Variants in TEX14 observed in about 807,000 individuals in gnomAD.
TEX14 encodes inactive serine/threonine-protein kinase TEX14.
In TEX14, 168 loss-of-function variants were observed where a neutral mutation model predicts 178.6. The ratio of observed to expected loss-of-function variants is 0.94; its 90% confidence interval spans 0.83 to 1.07. The LOEUF is 1.07. Among genes scored for constraint, TEX14 ranks in the 50% least tolerant of loss-of-function variants. The pLI is 0.00. For missense variants in TEX14, 1,730 were observed against 1,753.6 expected, an observed-to-expected ratio of 0.99 and a Z score of 0.24; for synonymous variants, 626 against 634.1, an observed-to-expected ratio of 0.99 and a Z score of 0.19.
intron 24 of TEX14, 131 bp from the exon 25 acceptor site, chr17:58,570,615 CCTTTTTTTTTTT>C (rs1336724315): frequency 6.1e-6 from 2 of 329,014 alleles, no homozygotes; most frequent in African/African-American, 5.0e-5. Context: ...TGGGAAGCCT[CCTTTTTTTTTTT>C]TTTTTTTTTT....
chr17:58,593,435 C>T, intron 15 of TEX14, 120 bp downstream of exon 15: 1 of 760,612 alleles, frequency 1.3e-6, no homozygotes, highest in Non-Finnish European at 2.2e-6. Context: ...ATCTGCATTA[C>T]TCTTCTTCAT....
At chr17:58,608,386 C>T (rs1269899310) in intron 10 of TEX14, among the ~76,000 whole-genome samples, 1 of 150,754 alleles carries the variant, frequency 6.6e-6, no homozygotes, top group African/African-American at 2.4e-5. Context: ...CACTGCACTC[C>T]AGCCTGGGCA....
At chr17:58,628,104 G>A (rs1164228936) in intron 3 of TEX14, among the ~76,000 whole-genome samples, 1 of 151,936 alleles carries the variant, frequency 6.6e-6, no homozygotes, top group Non-Finnish European at 1.5e-5. Flanking sequence ...AGAGCCAGTA[G>A]AGCGTGTGTG....
chr17:58,622,270 A>AC (rs1221242290), intron 4 of TEX14, among the ~76,000 whole-genome samples: 1 of 152,004 alleles, frequency 6.6e-6, no homozygotes, highest in African/African-American at 2.4e-5. Flanking sequence ...ACATGGAGAA[A>AC]CCCCGTCTTT....
chr17:58,596,900 C>A (rs991744003), intron 14 of TEX14, among the ~76,000 whole-genome samples: 1 of 152,042 alleles, frequency 6.6e-6, no homozygotes, highest in Non-Finnish European at 1.5e-5. Flanking sequence ...CATGACAGTG[C>A]CACTTCACTC....
chr17:58,664,555 G>A lies in TEX14; in HGVS notation c.-1-12553C>T, dbSNP rs530358804. On this transcript the variant is annotated intron_variant, in intron 1 of 31. Coordinates refer to ENST00000349033, the MANE Select transcript of TEX14 (RefSeq NM_031272.5). The stretch of plus-strand genomic sequence containing the variant: ...CTGGCCTAGCCACTGGGGATACTAA[G>A]AGGAATAATGCAGAGACTGAGTCTG... 7.2e-5 allele frequency among the ~76,000 whole-genome samples: 11 copies of A among 152,294 alleles called. No homozygotes were observed. The South Asian group carries it at 2.3e-3, about 32-fold the overall frequency.
chr17:58,655,885 A>T (rs1273675725), intron 1 of TEX14, among the ~76,000 whole-genome samples: 5 of 152,240 alleles, frequency 3.3e-5, no homozygotes, highest in African/African-American at 1.2e-4. Flanking sequence ...AGCATAATCC[A>T]TATTCCCTTT....
At chr17:58,626,133 C>T (rs1318741080) in intron 3 of TEX14, among the ~76,000 whole-genome samples, 3 of 152,078 alleles carry the variant, frequency 2.0e-5, no homozygotes, top group East Asian at 3.9e-4. Context: ...CCTTTCCTGC[C>T]CCCCTTTCCT....
At chr17:58,680,692 C>T (rs768517543) in intron 1 of TEX14, among the ~76,000 whole-genome samples, 3 of 152,032 alleles carry the variant, frequency 2.0e-5, no homozygotes, top group Non-Finnish European at 2.9e-5. Context: ...GCTGAGATCA[C>T]GCCGCTGCAC....
At chr17:58,638,470 A>G (rs989606575) in intron 2 of TEX14, among the ~76,000 whole-genome samples, 10 of 152,262 alleles carry the variant, frequency 6.6e-5, no homozygotes, top group African/African-American at 2.4e-4. Flanking sequence ...GTATTTATAC[A>G]TTGGAATACT....
At chr17:58,576,409 G>A (rs1039752632) in intron 21 of TEX14, among the ~76,000 whole-genome samples, 4 of 152,194 alleles carry the variant, frequency 2.6e-5, no homozygotes, top group Non-Finnish European at 5.9e-5. Context: ...ACTTGAACCC[G>A]GGAGGTGGAG....
chr17:58,669,733 C>CAAAAAAAA (rs71367615), intron 1 of TEX14, among the ~76,000 whole-genome samples: 2 of 56,290 alleles, frequency 3.6e-5, no homozygotes, highest in Non-Finnish European at 3.5e-5. Context: ...GACTCCGTCT[C>CAAAAAAAA]AAAAAAAAAA....
At chr17:58,599,881 T>C (rs2045387831) in intron 13 of TEX14, among the ~76,000 whole-genome samples, 2 of 152,166 alleles carry the variant, frequency 1.3e-5, no homozygotes, top group African/African-American at 4.8e-5. Context: ...TGACATGGAA[T>C]GAGGCAGAAA....
At position 58,571,982 on chromosome 17, in the gene TEX14, G is replaced by GCT; in HGVS notation, c.3654_3655dup (p.Ala1219GlufsTer19). On this transcript the variant is annotated frameshift_variant, in exon 24 of 32. Transcript: ENST00000349033. LOFTEE classifies it high-confidence loss of function. Reference sequence around the variant, plus strand: ...AGTAAGGAGAGAATCCAGTTTCTTTGCTCTCTCTCGGACACTTATAAAGTC... The same window carrying GCT: ...AGTAAGGAGAGAATCCAGTTTCTTTGCTCTCTCTCTCGGACACTTATAAAGTC... The GCT allele has an allele frequency of 6.2e-7, 1 of 1,614,072 alleles. No homozygotes were observed.
intron 2 of TEX14, 131 bp downstream of exon 2, chr17:58,651,735 C>T (rs2046843741): frequency 1.2e-6 from 1 of 851,676 alleles, no homozygotes; most frequent in Non-Finnish European, 1.8e-6. Context: ...TGCTAGAGAA[C>T]ATCTAATTTC....
chr17:58,557,554 A>G (rs1305878688), intron 31 of TEX14, among the ~76,000 whole-genome samples: 1 of 152,150 alleles, frequency 6.6e-6, no homozygotes, highest in African/African-American at 2.4e-5. Context: ...TACAAGTATG[A>G]GCCACCGTGC....
intron 22 of TEX14, among the ~76,000 whole-genome samples, chr17:58,573,590 C>T (rs962211361): frequency 6.6e-6 from 1 of 152,166 alleles, no homozygotes; most frequent in African/African-American, 2.4e-5. Flanking sequence ...ATGATCTCGG[C>T]TCACTGCAAC....
At chr17:58,617,865 G>T (rs952155805) in intron 5 of TEX14, among the ~76,000 whole-genome samples, 1 of 152,136 alleles carries the variant, frequency 6.6e-6, no homozygotes, top group Non-Finnish European at 1.5e-5. Context: ...ACTCATTTTT[G>T]ACTGTTAACA....
chr17:58,670,432 A>T (rs574371137), intron 1 of TEX14, among the ~76,000 whole-genome samples: 1 of 152,002 alleles, frequency 6.6e-6, no homozygotes, highest in African/African-American at 2.4e-5. Flanking sequence ...ATTAAAAAAA[A>T]AAACAACAAA....
Sources: gnomAD v4.1 joint callset for allele counts (sites outside exome capture counted in the v4.1 genomes callset) on GRCh38, gnomAD v4.1.1 for gene constraint, MANE v1.5 for transcripts, NCBI Gene and HGNC (gene_info 2026-07-23, HGNC 2026-07-21) for gene names.